The following BCKDHB variants were observed in gnomAD, a reference collection of about 807,000 sequenced individuals.
BCKDHB encodes the protein branched chain keto acid dehydrogenase E1 subunit beta, also known as 2-oxoisovalerate dehydrogenase subunit beta, mitochondrial.
BCKDHB carries 41 observed loss-of-function variants against 48.5 expected under a neutral mutation model. The observed-to-expected ratio is 0.85, with a 90% CI of 0.66 to 1.10. The LOEUF (loss-of-function observed/expected upper bound fraction) is 1.10, where lower values mean the gene tolerates loss of function less well. BCKDHB is among the 50% of genes least tolerant of loss of function. The pLI is 0.00. For missense variants in BCKDHB, 496 were observed against 494.2 expected (o/e 1.00, Z -0.03); for synonymous variants, 201 against 174.8 (o/e 1.15, Z -1.18).
At chr6:80,236,818 A>G (rs572928771) in intron 8 of BCKDHB, among the ~76,000 whole-genome samples, 2 of 152,320 alleles carry the variant, frequency 1.3e-5, no homozygotes, top group South Asian at 2.1e-4. Context: ...ACTTTATCTT[A>G]TATTTTATAG....
At chr6:80,180,240 A>G (rs780235376) in intron 6 of BCKDHB, among the ~76,000 whole-genome samples, 4 of 152,244 alleles carry the variant, frequency 2.6e-5, no homozygotes, top group African/African-American at 4.8e-5. Flanking sequence ...TCCTGAACAT[A>G]GAAGGAGAAA....
the BCKDHB span, among the ~76,000 whole-genome samples, chr6:80,353,777 C>T: frequency 4.8e-3 from 727 of 152,178 alleles, 4 homozygotes; most frequent in African/African-American, 0.016. Flanking sequence ...CACTTGAACC[C>T]GGGAGGCAGA....
the BCKDHB span, among the ~76,000 whole-genome samples, chr6:80,399,071 A>C: frequency 1.3e-5 from 2 of 152,082 alleles, no homozygotes; most frequent in African/African-American, 4.8e-5. Flanking sequence ...CCTGTTAAAA[A>C]CTCTAAATAA....
intron 8 of BCKDHB, among the ~76,000 whole-genome samples, chr6:80,253,391 T>C (rs1003041691): frequency 2.0e-5 from 3 of 152,212 alleles, no homozygotes; most frequent in African/African-American, 7.2e-5. Flanking sequence ...GGTTTCACCA[T>C]TTAGGCAAAT....
intron 6 of BCKDHB, among the ~76,000 whole-genome samples, chr6:80,193,719 CAAAAAAA>C (rs61317782): frequency 3.3e-5 from 2 of 61,304 alleles, no homozygotes; most frequent in African/African-American, 9.5e-5. Flanking sequence ...GACTCTGTCT[CAAAAAAA>C]AAAAAAAAAA....
intron 8 of BCKDHB, among the ~76,000 whole-genome samples, chr6:80,207,084 T>G (rs1774701419): frequency 6.6e-6 from 1 of 152,008 alleles, no homozygotes; most frequent in Non-Finnish European, 1.5e-5. Context: ...AAGAAGGTAC[T>G]GCAAGGGAGC....
the BCKDHB span, among the ~76,000 whole-genome samples, chr6:80,360,363 A>G: frequency 1.5e-4 from 23 of 152,180 alleles, no homozygotes; most frequent in Non-Finnish European, 7.3e-5. Flanking sequence ...GACATCATTG[A>G]TTCCCAGCCC....
chr6:80,273,583 G>A (rs76488941), intron 9 of BCKDHB, among the ~76,000 whole-genome samples: 4,605 of 152,082 alleles, frequency 0.03, 87 homozygotes, highest in East Asian at 0.052. Context: ...CTGTTTATAT[G>A]ACTTGAGGTT....
chr6:80,132,371 C>T (rs919142499), intron 3 of BCKDHB, among the ~76,000 whole-genome samples: 8 of 152,116 alleles, frequency 5.3e-5, no homozygotes, highest in African/African-American at 1.9e-4. Flanking sequence ...GAATGGATCC[C>T]TAGGACCTAA....
chr6:80,168,245 A>C (rs1224858117), intron 4 of BCKDHB, among the ~76,000 whole-genome samples: 1 of 151,896 alleles, frequency 6.6e-6, no homozygotes, highest in East Asian at 1.9e-4. Context: ...TGATCGCAGC[A>C]CTGCACTCCC....
chr6:80,210,240 A>ATAAG (rs60938506), intron 8 of BCKDHB, among the ~76,000 whole-genome samples: 28,497 of 151,866 alleles, frequency 0.19, 3,408 homozygotes, highest in South Asian at 0.34. Flanking sequence ...TGGATCAATA[A>ATAAG]TAAGTATAAT....
intron 3 of BCKDHB, among the ~76,000 whole-genome samples, chr6:80,140,383 G>A (rs1231654377): frequency 1.3e-5 from 2 of 152,174 alleles, no homozygotes; most frequent in African/African-American, 4.8e-5. Flanking sequence ...TCTTGTGCCA[G>A]TTTTCAAAGG....
At chr6:80,273,324 A>G (rs926058880) in intron 9 of BCKDHB, 103 bp downstream of exon 9, 3 of 1,029,698 alleles carry the variant, frequency 2.9e-6, no homozygotes, top group Admixed American at 3.7e-5. Flanking sequence ...CATACACTTT[A>G]TGGAAATGTA....
At chr6:80,128,812 C>T (rs1770472968) in intron 2 of BCKDHB, among the ~76,000 whole-genome samples, 1 of 151,948 alleles carries the variant, frequency 6.6e-6, no homozygotes, top group South Asian at 2.1e-4. Context: ...TCTTAGTCTC[C>T]ACTCCCACAA....
chr6:80,285,339 T>C (rs956193408), intron 9 of BCKDHB, among the ~76,000 whole-genome samples: 1 of 152,190 alleles, frequency 6.6e-6, no homozygotes, highest in Admixed American at 6.5e-5. Flanking sequence ...AGTCTTCTAA[T>C]ATGATGGAAT....
the BCKDHB span, chr6:80,355,642 A>G: frequency 2.8e-5 from 4 of 145,448 alleles, no homozygotes; most frequent in African/African-American, 1.1e-4. Context: ...AACAGTAACA[A>G]ATAGTATTTT....
chr6:80,160,563 C>G (rs923392332), intron 3 of BCKDHB, among the ~76,000 whole-genome samples: 8 of 152,120 alleles, frequency 5.3e-5, no homozygotes, highest in Non-Finnish European at 8.8e-5. Flanking sequence ...TCAATTTTAC[C>G]CATTTCTAAT....
chr6:80,279,856 CAT>C (rs1778126834), intron 9 of BCKDHB, among the ~76,000 whole-genome samples: 1 of 152,230 alleles, frequency 6.6e-6, no homozygotes, highest in African/African-American at 2.4e-5. Context: ...AGTTATAGTA[CAT>C]GTTAGAATGG....
chr6:80,156,786 AAG>A (rs1772063919), intron 3 of BCKDHB, among the ~76,000 whole-genome samples: 1 of 152,202 alleles, frequency 6.6e-6, no homozygotes, highest in South Asian at 2.1e-4. Context: ...CAAAAACAGA[AAG>A]AGATTAAATA....
Sources: gnomAD v4.1 joint callset for allele counts (sites outside exome capture counted in the v4.1 genomes callset) on GRCh38, gnomAD v4.1.1 for gene constraint, MANE v1.5 for transcripts, NCBI Gene and HGNC (gene_info 2026-07-23, HGNC 2026-07-21) for gene names.